SHC3: variants seen among roughly 807,000 people sequenced by gnomAD.
SHC3 encodes the protein SHC adaptor protein 3.
Under a neutral mutation model 60.4 loss-of-function variants are expected in SHC3, and 15 were observed. The observed-to-expected ratio is 0.25, with a 90% CI of 0.17 to 0.38. The LOEUF (loss-of-function observed/expected upper bound fraction) is 0.38. Ranked by LOEUF, SHC3 falls within the 10% of genes least tolerant of loss-of-function variation. The probability of loss-of-function intolerance (pLI) is 1.00; values close to 1 mark genes in which losing one functional copy is unlikely to be tolerated. For synonymous variants in SHC3, 294 were observed against 325.9 expected (o/e 0.90, Z 1.05); for missense variants, 677 against 786.1 (o/e 0.86, Z 1.66).
chr9:89,165,180 C>T (rs965961600), intron 1 of SHC3, among the ~76,000 whole-genome samples: 3 of 151,576 alleles, frequency 2.0e-5, no homozygotes, highest in Admixed American at 6.6e-5. Flanking sequence ...AAGCAAGTCA[C>T]AGATCAATAT....
At chr9:89,071,403 A>G (rs993056282) in intron 4 of SHC3, 151 bp from the exon 5 acceptor site, 16 of 738,714 alleles carry the variant, frequency 2.2e-5, no homozygotes, top group South Asian at 3.8e-5. Flanking sequence ...AGTAATAGCA[A>G]TAGATCACCT....
intron 6 of SHC3, among the ~76,000 whole-genome samples, chr9:89,059,018 C>T (rs1045826064): frequency 5.5e-4 from 71 of 129,000 alleles, no homozygotes; most frequent in African/African-American, 1.9e-3. Flanking sequence ...TGATGGAGGG[C>T]GGTGGTGGAG....
intron 11 of SHC3, among the ~76,000 whole-genome samples, chr9:89,015,736 T>TA (rs1182640265): frequency 6.6e-6 from 1 of 152,152 alleles, no homozygotes; most frequent in African/African-American, 2.4e-5. Flanking sequence ...AGGACAAACT[T>TA]AGACTCCAGA....
At chr9:89,175,959 C>T (rs73500127) in intron 1 of SHC3, among the ~76,000 whole-genome samples, 4,932 of 152,304 alleles carry the variant, frequency 0.032, 246 homozygotes, top group African/African-American at 0.11. Context: ...CATGCACACA[C>T]ACTTTAGCAT....
intron 1 of SHC3, among the ~76,000 whole-genome samples, chr9:89,165,339 A>C (rs914391572): frequency 2.0e-5 from 3 of 152,050 alleles, no homozygotes; most frequent in African/African-American, 7.3e-5. Context: ...ATTATCTCTG[A>C]GAAGAATAAA....
intron 4 of SHC3, among the ~76,000 whole-genome samples, chr9:89,074,228 C>G (rs1825317490): frequency 6.6e-6 from 1 of 152,122 alleles, no homozygotes; most frequent in Admixed American, 6.5e-5. Flanking sequence ...ATAAAGGTCA[C>G]TGCGGGCATC....
intron 2 of SHC3, among the ~76,000 whole-genome samples, chr9:89,106,361 C>T (rs1480405235): frequency 6.6e-6 from 1 of 152,224 alleles, no homozygotes. Flanking sequence ...CACTGTGTGG[C>T]TCCAGCCAGC....
chr9:89,059,179 G>A (rs1825016923), intron 6 of SHC3, among the ~76,000 whole-genome samples: 1 of 138,106 alleles, frequency 7.2e-6, no homozygotes, highest in African/African-American at 2.7e-5. Context: ...CGTGGTGTAG[G>A]ACATGGTGGA....
intron 1 of SHC3, among the ~76,000 whole-genome samples, chr9:89,177,607 GCCCAGCTCTC>G (rs997519123): frequency 1.3e-5 from 2 of 152,202 alleles, no homozygotes; most frequent in African/African-American, 4.8e-5. Flanking sequence ...CCCGGGGGCT[GCCCAGCTCTC>G]CCCAGCGCGT....
chr9:89,078,069 C>T (rs1825388587), intron 2 of SHC3, among the ~76,000 whole-genome samples, 166 bp from the exon 3 acceptor site: 1 of 149,148 alleles, frequency 6.7e-6, no homozygotes, highest in African/African-American at 2.6e-5. Context: ...AAACACAAAA[C>T]TAAACAAAAC....
intron 2 of SHC3, among the ~76,000 whole-genome samples, chr9:89,108,113 A>G (rs1825890623): frequency 6.6e-6 from 1 of 152,200 alleles, no homozygotes; most frequent in African/African-American, 2.4e-5. Flanking sequence ...CCTAGGAGCA[A>G]TAGGCTATGC....
intron 11 of SHC3, among the ~76,000 whole-genome samples, chr9:89,026,835 C>G (rs1826315896): frequency 6.6e-6 from 1 of 152,188 alleles, no homozygotes; most frequent in Non-Finnish European, 1.5e-5. Flanking sequence ...TTGGACAAGT[C>G]CTCTCTTTCA....
intron 2 of SHC3, among the ~76,000 whole-genome samples, chr9:89,078,527 G>A (rs1825397364): frequency 6.6e-6 from 1 of 152,184 alleles, no homozygotes; most frequent in Admixed American, 6.5e-5. Context: ...GCTGGGACGT[G>A]CAGGCATGGG....
Position 89,046,835 on chromosome 9 carries a change from A to C in SHC3, c.1113+9T>G, listed in dbSNP as rs757614765. The C allele has an allele frequency of 1.3e-6, 2 of 1,549,960 alleles. No individual in the cohort carries two copies. Among genetic ancestry groups the C allele is most frequent in the Non-Finnish European group, 1.7e-6 (2 of 1,152,678 alleles). ...ATTCCTTATATAAGAAAAAAACTAT[A>C]AGACTTACCTGGGCTGTGTCAGGAG... On this transcript the variant is annotated intron_variant, in intron 8 of 11. Transcript: ENST00000375835.
intron 1 of SHC3, among the ~76,000 whole-genome samples, chr9:89,122,664 G>A (rs1826107900): frequency 6.6e-6 from 1 of 152,190 alleles, no homozygotes; most frequent in East Asian, 1.9e-4. Context: ...AAGTCACGGA[G>A]TCAGCCAGAT....
chr9:89,116,266 T>C (rs1183142706), intron 1 of SHC3, among the ~76,000 whole-genome samples: 1 of 152,202 alleles, frequency 6.6e-6, no homozygotes, highest in Non-Finnish European at 1.5e-5. Flanking sequence ...ACCACGGTGT[T>C]GCACAATTAT....
At chr9:89,050,870 C>T (rs1220883870) in intron 7 of SHC3, among the ~76,000 whole-genome samples, 2 of 151,870 alleles carry the variant, frequency 1.3e-5, no homozygotes, top group African/African-American at 4.8e-5. Flanking sequence ...TATACACATC[C>T]TCCTGTCCCA....
At chr9:89,174,697 G>A (rs1230626762) in intron 1 of SHC3, among the ~76,000 whole-genome samples, 2 of 152,192 alleles carry the variant, frequency 1.3e-5, no homozygotes, top group Admixed American at 6.5e-5. Context: ...TGGGGACCAC[G>A]CTGGGGCCAA....
In SHC3 at chr9:89,166,094, G is replaced by A. The variant is rs114136678; in HGVS notation, c.474+11893C>T. On this transcript the variant is annotated intron_variant, in intron 1 of 11. Transcript: ENST00000375835. ...CACGCAGGCGCACTCTGCTTCTGTC[G>A]CCTCCTGGAGATGGGCCCACACACT... 5.7e-3 allele frequency among the ~76,000 whole-genome samples: 865 copies of A among 152,108 alleles called. 9 individuals are homozygous for A. The highest frequency in any genetic ancestry group is 0.02 in the African/African-American group (821 of 41,486).
Sources: gnomAD v4.1 joint callset for allele counts (sites outside exome capture counted in the v4.1 genomes callset) on GRCh38, gnomAD v4.1.1 for gene constraint, MANE v1.5 for transcripts, NCBI Gene and HGNC (gene_info 2026-07-23, HGNC 2026-07-21) for gene names.